The following PLXNA4 variants were observed in gnomAD, a reference collection of about 807,000 sequenced individuals.
PLXNA4 encodes plexin-A4.
In PLXNA4, 44 loss-of-function variants were observed where a neutral mutation model predicts 191.8. The ratio of observed to expected loss-of-function variants is 0.23; its 90% CI spans 0.18 to 0.29. The LOEUF (loss-of-function observed/expected upper bound fraction) is 0.29, where lower values mean the gene tolerates loss of function less well. Ranked by LOEUF, PLXNA4 falls within the 10% of genes least tolerant of loss-of-function variation. The probability of loss-of-function intolerance (pLI) is 1.00; values close to 1 mark genes in which losing one functional copy is unlikely to be tolerated. For missense variants in PLXNA4, 1,800 were observed against 2,488.8 expected (o/e 0.72, Z 5.89); for synonymous variants, 1,082 against 1,009.5 (o/e 1.07, Z -1.36).
intron 1 of PLXNA4, among the ~76,000 whole-genome samples, chr7:132,512,043 C>G (rs1332552642): frequency 6.6e-6 from 1 of 152,232 alleles, no homozygotes; most frequent in Non-Finnish European, 1.5e-5. Flanking sequence ...TGCTTCCAGC[C>G]TTTGTCTGAA....
chr7:132,521,134 T>C (rs1799161405), intron 1 of PLXNA4, among the ~76,000 whole-genome samples: 1 of 135,238 alleles, frequency 7.4e-6, no homozygotes, highest in Non-Finnish European at 1.5e-5. Flanking sequence ...TTGGCAGAAA[T>C]CTCCACTGCA....
chr7:132,466,580 G>C (rs1267534158), intron 3 of PLXNA4, among the ~76,000 whole-genome samples: 3 of 152,192 alleles, frequency 2.0e-5, no homozygotes, highest in Non-Finnish European at 4.4e-5. Flanking sequence ...CCCCCTTCAC[G>C]CTGAGCCCCA....
At chr7:132,415,513 G>A (rs1433644799) in intron 3 of PLXNA4, among the ~76,000 whole-genome samples, 1 of 152,174 alleles carries the variant, frequency 6.6e-6, no homozygotes, top group Admixed American at 6.5e-5. Flanking sequence ...TGATACACAT[G>A]TGGGCCCTGG....
At chr7:132,443,003 C>T (rs1001858069) in intron 3 of PLXNA4, among the ~76,000 whole-genome samples, 1 of 152,222 alleles carries the variant, frequency 6.6e-6, no homozygotes, top group Admixed American at 6.5e-5. Flanking sequence ...GCTGCACCAG[C>T]TTCCATCTGA....
chr7:132,372,160 T>C (rs1167420752), intron 3 of PLXNA4, among the ~76,000 whole-genome samples: 1 of 152,246 alleles, frequency 6.6e-6, no homozygotes, highest in Non-Finnish European at 1.5e-5. Context: ...ACCTGTCATG[T>C]GGCACTACAT....
chr7:132,495,731 T>C (rs1356765487), intron 2 of PLXNA4, among the ~76,000 whole-genome samples: 3 of 152,146 alleles, frequency 2.0e-5, no homozygotes, highest in African/African-American at 4.8e-5. Flanking sequence ...GTCCGTTGCA[T>C]AGGGTAAGAA....
chr7:132,317,338 T>G (rs1036017641), intron 3 of PLXNA4, among the ~76,000 whole-genome samples: 3 of 151,930 alleles, frequency 2.0e-5, no homozygotes, highest in African/African-American at 7.3e-5. Flanking sequence ...TTGGGTTGGG[T>G]TGGACTGGAT....
At chr7:132,598,107 CT>C (rs199648796) in intron 2 of PLXNA4, among the ~76,000 whole-genome samples, 6 of 151,282 alleles carry the variant, frequency 4.0e-5, no homozygotes, top group African/African-American at 1.2e-4. Context: ...AATATATATT[CT>C]TTTTTTTTGT....
chr7:132,491,511 G>A (rs1797798742), intron 2 of PLXNA4, among the ~76,000 whole-genome samples: 2 of 152,260 alleles, frequency 1.3e-5, no homozygotes, highest in Non-Finnish European at 2.9e-5. Context: ...GAGAGCGTGG[G>A]CAAGCCTGAG....
intron 3 of PLXNA4, among the ~76,000 whole-genome samples, chr7:132,409,256 G>A (rs1257661158): frequency 6.6e-6 from 1 of 152,180 alleles, no homozygotes; most frequent in Non-Finnish European, 1.5e-5. Context: ...GGCCCTAGCT[G>A]GAGCTGACCT....
At chr7:132,306,986 G>A (rs1801547599) in intron 3 of PLXNA4, among the ~76,000 whole-genome samples, 1 of 152,138 alleles carries the variant, frequency 6.6e-6, no homozygotes, top group Non-Finnish European at 1.5e-5. Context: ...GCTCGTTGTG[G>A]GTTAAACGTC....
At chr7:132,228,031 T>C (rs377099215) in intron 6 of PLXNA4, among the ~76,000 whole-genome samples, 549 of 152,288 alleles carry the variant, frequency 3.6e-3, no homozygotes, top group South Asian at 0.014. Flanking sequence ...ATCTTTCCCA[T>C]TTTATAGTTG....
At chr7:132,149,303 T>C (rs2116580740) in intron 25 of PLXNA4, among the ~76,000 whole-genome samples, 1 of 152,330 alleles carries the variant, frequency 6.6e-6, no homozygotes, top group South Asian at 2.1e-4. Flanking sequence ...AGGATATATT[T>C]ACATCCCCAT....
intron 4 of PLXNA4, among the ~76,000 whole-genome samples, chr7:132,256,078 CG>C (rs1799422019): frequency 6.6e-6 from 1 of 152,160 alleles, no homozygotes; most frequent in Non-Finnish European, 1.5e-5. Context: ...TGCTGTGTGC[CG>C]GCATGTTGGG....
chr7:132,178,635 G>A (rs985725580), intron 20 of PLXNA4, among the ~76,000 whole-genome samples: 2 of 152,140 alleles, frequency 1.3e-5, no homozygotes, highest in Non-Finnish European at 2.9e-5. Context: ...CAGGTATGCA[G>A]GTAGGATGCA....
At chr7:132,562,390 CTTCTGCT>C (rs1801225759) in intron 1 of PLXNA4, among the ~76,000 whole-genome samples, 1 of 131,408 alleles carries the variant, frequency 7.6e-6, no homozygotes, top group South Asian at 2.8e-4. Context: ...TCTCCTCCTC[CTTCTGCT>C]GCTCCTCCTC....
chr7:132,400,236 A>G (rs1474483958), intron 3 of PLXNA4, among the ~76,000 whole-genome samples: 2 of 152,180 alleles, frequency 1.3e-5, no homozygotes, highest in Non-Finnish European at 2.9e-5. Context: ...AGGAATTAAC[A>G]TCCTCAGATT....
At chr7:132,191,383 G>A (rs1797081536) in intron 14 of PLXNA4, among the ~76,000 whole-genome samples, 1 of 152,202 alleles carries the variant, frequency 6.6e-6, no homozygotes, top group Non-Finnish European at 1.5e-5. Context: ...ATAGGCAAGA[G>A]AGGAGGATGC....
intron 1 of PLXNA4, among the ~76,000 whole-genome samples, chr7:132,548,295 G>C (rs1326609086): frequency 6.6e-6 from 1 of 152,206 alleles, no homozygotes; most frequent in Non-Finnish European, 1.5e-5. Flanking sequence ...CTAATTGTGA[G>C]ATGACTGAGA....
Sources: allele counts gnomAD v4.1 joint callset (sites outside exome capture counted in the v4.1 genomes callset), GRCh38; gene constraint gnomAD v4.1.1; transcripts MANE v1.5; gene names NCBI Gene and HGNC (gene_info 2026-07-23, HGNC 2026-07-21).